The following GARIN1A variants were observed in gnomAD, a reference collection of about 807,000 sequenced individuals.
GARIN1A encodes Golgi-associated RAB2 interactor protein 1A.
chr7:128,705,593 A>G, the GARIN1A span, among the ~76,000 whole-genome samples: 2 of 148,030 alleles, frequency 1.4e-5, no homozygotes, highest in Admixed American at 1.4e-4. Flanking sequence ...CTTAGCCTCT[A>G]TTGAAAACTT....
chr7:128,674,953 A>T, the GARIN1A span, among the ~76,000 whole-genome samples: 1 of 152,066 alleles, frequency 6.6e-6, no homozygotes, highest in East Asian at 1.9e-4. Context: ...AGTGTAGAGC[A>T]TTGGGAGAAG....
the GARIN1A span, among the ~76,000 whole-genome samples, chr7:128,701,383 A>G: frequency 0.022 from 94 of 4,252 alleles, no homozygotes; most frequent in Non-Finnish European, 0.025. Flanking sequence ...AAGGGGAGGG[A>G]GAGGGGAGGG....
the GARIN1A span, chr7:128,672,659 G>T: frequency 1.9e-6 from 1 of 517,032 alleles, no homozygotes; most frequent in South Asian, 2.1e-5. Context: ...AGGGGGGGGC[G>T]GGGGGACAAA....
chr7:128,672,570 G>A, the GARIN1A span: 6 of 1,589,600 alleles, frequency 3.8e-6, no homozygotes, highest in Middle Eastern at 1.7e-4. Flanking sequence ...TGGAGCTCAG[G>A]GCCAGCTGTC....
chr7:128,694,286 C>T, the GARIN1A span, among the ~76,000 whole-genome samples: 1 of 152,168 alleles, frequency 6.6e-6, no homozygotes, highest in South Asian at 2.1e-4. Flanking sequence ...AATCCCAGCA[C>T]TTTGGGAGGC....
chr7:128,679,117 T>C, the GARIN1A span, among the ~76,000 whole-genome samples: 2 of 151,640 alleles, frequency 1.3e-5, no homozygotes, highest in East Asian at 3.9e-4. Flanking sequence ...TAATGCCATA[T>C]ATATGGCATT....
the GARIN1A span, among the ~76,000 whole-genome samples, chr7:128,688,194 T>A: frequency 1.3e-5 from 2 of 152,026 alleles, no homozygotes; most frequent in African/African-American, 4.8e-5. Context: ...GTATTTTTAG[T>A]AGAGATGGGG....
the GARIN1A span, chr7:128,687,124 C>T: frequency 6.6e-6 from 1 of 152,214 alleles, no homozygotes; most frequent in Non-Finnish European, 1.5e-5. Flanking sequence ...CCACATATTG[C>T]CCTCATGACA....
chr7:128,701,266 C>A, the GARIN1A span, among the ~76,000 whole-genome samples: 1 of 144,296 alleles, frequency 6.9e-6, no homozygotes. Flanking sequence ...AAATAGCACT[C>A]AGGCAAAAGT....
chr7:128,700,577 G>A, the GARIN1A span, among the ~76,000 whole-genome samples: 1 of 152,122 alleles, frequency 6.6e-6, no homozygotes, highest in Non-Finnish European at 1.5e-5. Flanking sequence ...ACGGTGCCCG[G>A]CCTTAGTAAG....
chr7:128,692,970 A>G, the GARIN1A span, among the ~76,000 whole-genome samples: 1 of 152,254 alleles, frequency 6.6e-6, no homozygotes, highest in Admixed American at 6.5e-5. Context: ...ATGAATATTT[A>G]GAGTTATTAA....
At chr7:128,708,706 TTTC>T in the GARIN1A span, among the ~76,000 whole-genome samples, 2 of 152,190 alleles carry the variant, frequency 1.3e-5, no homozygotes, top group Non-Finnish European at 2.9e-5. Context: ...TTTTATGTCT[TTTC>T]TACCCTTTGG....
At chr7:128,676,588 A>G in the GARIN1A span, among the ~76,000 whole-genome samples, 2 of 152,086 alleles carry the variant, frequency 1.3e-5, no homozygotes, top group Non-Finnish European at 2.9e-5. Context: ...AGACATTTAG[A>G]AATGTTTCTT....
At chr7:128,691,505 C>T in the GARIN1A span, 23 of 152,256 alleles carry the variant, frequency 1.5e-4, no homozygotes, top group Admixed American at 1.2e-3. Flanking sequence ...CTACTGGGCT[C>T]CATTCCTAGG....
At chr7:128,675,726 A>G in the GARIN1A span, 1 of 1,613,820 alleles carries the variant, frequency 6.2e-7, no homozygotes. Context: ...TGCCACCGTG[A>G]TCCTCGGGGT....
chr7:128,699,517 C>T, the GARIN1A span, among the ~76,000 whole-genome samples: 1 of 152,200 alleles, frequency 6.6e-6, no homozygotes, highest in Non-Finnish European at 1.5e-5. Flanking sequence ...CACTGAATCC[C>T]ACAGCCTAGT....
the GARIN1A span, among the ~76,000 whole-genome samples, chr7:128,702,468 T>G: frequency 1.3e-5 from 2 of 152,184 alleles, no homozygotes; most frequent in African/African-American, 2.4e-5. Context: ...TTCAGTTAAC[T>G]GTAGAAGCAT....
chr7:128,682,692 C>T, the GARIN1A span, among the ~76,000 whole-genome samples: 1 of 152,122 alleles, frequency 6.6e-6, no homozygotes, highest in Admixed American at 6.6e-5. Flanking sequence ...ATTCTCATGC[C>T]TCAGCCTCCC....
At chr7:128,687,175 C>T in the GARIN1A span, 204 of 152,350 alleles carry the variant, frequency 1.3e-3, no homozygotes, top group African/African-American at 4.6e-3. Context: ...TACTATTGTG[C>T]CTTACATGTG....
Sources: gnomAD v4.1 joint callset for allele counts (sites outside exome capture counted in the v4.1 genomes callset) on GRCh38, gnomAD v4.1.1 for gene constraint, MANE v1.5 for transcripts, NCBI Gene and HGNC (gene_info 2026-07-23, HGNC 2026-07-21) for gene names.